PCSK6: variants seen among roughly 807,000 people sequenced by gnomAD.
PCSK6 encodes the protein proprotein convertase subtilisin/kexin type 6.
A neutral mutation model predicts 123.3 loss-of-function variants in PCSK6; 85 were observed. The ratio of observed to expected loss-of-function variants is 0.69; its 90% confidence interval spans 0.58 to 0.83. The LOEUF (loss-of-function observed/expected upper bound fraction) is 0.83. Ranked by LOEUF, PCSK6 falls within the 40% of genes least tolerant of loss-of-function variation. PCSK6 has a pLI of 0.00. For missense variants in PCSK6, 1,191 were observed against 1,282.3 expected (o/e 0.93, Z 1.09); for synonymous variants, 508 against 516.0 (o/e 0.98, Z 0.21).
chr15:101,424,929 C>T (rs910750186), intron 6 of PCSK6, among the ~76,000 whole-genome samples: 8 of 152,114 alleles, frequency 5.3e-5, no homozygotes, highest in Non-Finnish European at 2.9e-5. Context: ...GACAGAGAGA[C>T]GAAAGAGATG....
Position 101,393,261 on chromosome 15 carries a change from G to A in PCSK6, c.1160C>T (p.Ser387Phe). The A allele has an allele frequency of 6.2e-7, 1 of 1,613,752 alleles. No individual in the cohort carries two copies. Among genetic ancestry groups the A allele is most frequent in the East Asian group, 2.2e-5 (1 of 44,852 alleles). ...ACTGCTGTAGGTGGTGGCCAGGGTGGAGGCACACTCTTCCAGGTACCAGGG... is the reference window on the plus strand; with the variant it reads ...ACTGCTGTAGGTGGTGGCCAGGGTGAAGGCACACTCTTCCAGGTACCAGGG... ...YKPWYLEECA[S>F]TLATTYSSGA... The change falls in exon 8 of 22, where the codon TCC becomes TTC. Residue 387 changes from serine (S) to phenylalanine (F), a missense_variant. By Grantham distance (155) the Ser-to-Phe change is radical. Coordinates refer to ENST00000611716, the MANE Select transcript of PCSK6 (RefSeq NM_002570.5).
intron 17 of PCSK6, among the ~76,000 whole-genome samples, chr15:101,324,301 C>T (rs1406919981): frequency 6.6e-6 from 1 of 152,232 alleles, no homozygotes; most frequent in Non-Finnish European, 1.5e-5. Flanking sequence ...TGGAGGTCTG[C>T]AAACCTTCCG....
intron 11 of PCSK6, among the ~76,000 whole-genome samples, chr15:101,378,734 C>T (rs939659333): frequency 1.1e-4 from 16 of 152,220 alleles, no homozygotes; most frequent in African/African-American, 2.4e-4. Flanking sequence ...TCTTATCTTT[C>T]GGGTGGATCC....
At chr15:101,419,348 T>C (rs12903442) in intron 6 of PCSK6, among the ~76,000 whole-genome samples, 10 of 151,990 alleles carry the variant, frequency 6.6e-5, no homozygotes, top group Non-Finnish European at 8.8e-5. Flanking sequence ...TCTAGATATA[T>C]ATCTAATAAG....
rs563272825 is a variant in PCSK6, at chr15:101,305,985, G to T, written c.2813-630C>A. Among the ~76,000 whole-genome samples the T allele has an allele frequency of 6.6e-6, 1 of 152,322 alleles. No individual in the cohort carries two copies. The highest frequency in any genetic ancestry group is 2.4e-5 in the African/African-American group (1 of 41,564). ...GATCTCAGGAGAACACCCAGCCTGG[G>T]CCTGTGGGGCACATGTGCACCTGTC... On this transcript the variant is annotated intron_variant, in intron 21 of 21. Coordinates refer to ENST00000611716, the MANE Select transcript of PCSK6 (RefSeq NM_002570.5). This position sits in a 1 kb window ranked among gnomAD's most constrained non-coding sequence, Gnocchi z 4.8.
chr15:101,326,556 A>G, intron 15 of PCSK6, 77 bp from the exon 16 acceptor site: 6 of 1,353,846 alleles, frequency 4.4e-6, no homozygotes, highest in Non-Finnish European at 5.1e-6. Flanking sequence ...TCCCTGTGTC[A>G]GGATATCGCA....
chr15:101,397,596 T>C (rs2042450931), intron 7 of PCSK6, among the ~76,000 whole-genome samples: 1 of 152,164 alleles, frequency 6.6e-6, no homozygotes, highest in South Asian at 2.1e-4. Context: ...CCACACATTG[T>C]ACGTTGGGCT....
chr15:101,321,063 G>C (rs1378324514), intron 18 of PCSK6, among the ~76,000 whole-genome samples: 1 of 152,140 alleles, frequency 6.6e-6, no homozygotes, highest in Non-Finnish European at 1.5e-5. Context: ...CAGGGAGCTG[G>C]GAACACAGAG....
rs140443071 is a variant in PCSK6, at chr15:101,315,198, G to A, written c.2570-1693C>T. Among the ~76,000 whole-genome samples, 130 of 152,346 alleles carry A rather than the reference G, an allele frequency of 8.5e-4. 1 individual carries two copies. The highest frequency in any genetic ancestry group is 1.6e-3 in the Non-Finnish European group (109 of 68,038). ...AACACATTTATTTGGAGGTGGTGGCGATGGTGGCACACAAATGTAAATTCA... is the reference window on the plus strand; with the variant it reads ...AACACATTTATTTGGAGGTGGTGGCAATGGTGGCACACAAATGTAAATTCA... On this transcript the variant is annotated intron_variant, in intron 19 of 21. Coordinates refer to ENST00000611716, the MANE Select transcript of PCSK6 (RefSeq NM_002570.5).
intron 1 of PCSK6, among the ~76,000 whole-genome samples, chr15:101,479,361 G>A (rs1283625811): frequency 6.6e-6 from 1 of 152,246 alleles, no homozygotes; most frequent in Non-Finnish European, 1.5e-5. Context: ...TGGTAAAAGT[G>A]AAGGGTTCTG....
chr15:101,429,472 T>C (rs2056373687), intron 5 of PCSK6, among the ~76,000 whole-genome samples: 1 of 152,086 alleles, frequency 6.6e-6, no homozygotes, highest in South Asian at 2.1e-4. Context: ...TCTAAGACAC[T>C]AAGACATGAA....
chr15:101,337,018 T>G (rs1198803880), intron 13 of PCSK6: 1 of 152,232 alleles, frequency 6.6e-6, no homozygotes, highest in Non-Finnish European at 1.5e-5. Flanking sequence ...TCTCTTTTTT[T>G]TTTTTTAGAT....
At chr15:101,401,975 C>A (rs1186898058) in intron 6 of PCSK6, among the ~76,000 whole-genome samples, 1 of 151,864 alleles carries the variant, frequency 6.6e-6, no homozygotes, top group African/African-American at 2.4e-5. Flanking sequence ...AATCCTAAGC[C>A]AAAAGAACAA....
chr15:101,489,327 G>A (rs1330365256), intron 1 of PCSK6, 47 bp downstream of exon 1: 2 of 1,097,052 alleles, frequency 1.8e-6, no homozygotes, highest in Admixed American at 5.5e-5. Context: ...CGCGCGCGCC[G>A]GAGGCCGCCG....
At chr15:101,332,455 G>A (rs1459169037) in intron 13 of PCSK6, among the ~76,000 whole-genome samples, 1 of 152,206 alleles carries the variant, frequency 6.6e-6, no homozygotes, top group African/African-American at 2.4e-5. Context: ...CTGGCTGTGA[G>A]TCTTGCCCTA....
intron 13 of PCSK6, among the ~76,000 whole-genome samples, chr15:101,345,516 A>C (rs1363737783): frequency 6.6e-6 from 1 of 152,258 alleles, no homozygotes; most frequent in Non-Finnish European, 1.5e-5. Flanking sequence ...TTAAAAAGTC[A>C]AAAGTGAAAC....
At chr15:101,395,135 CCTA>C in intron 7 of PCSK6, among the ~76,000 whole-genome samples, 1 of 152,214 alleles carries the variant, frequency 6.6e-6, no homozygotes, top group South Asian at 2.1e-4. Context: ...CACTGCCACT[CCTA>C]ACTCCCCACC....
At chr15:101,443,779 C>T in intron 1 of PCSK6, 119 bp from the exon 2 acceptor site, 1 of 715,284 alleles carries the variant, frequency 1.4e-6, no homozygotes. Context: ...AGGAAACACA[C>T]CCTCCATCAC....
In PCSK6 at chr15:101,316,910, G is replaced by GTTTTTTTTTTTTTTTTT. The variant is rs57613156; in HGVS notation, c.2569+1392_2569+1408dup. 5.3e-4 allele frequency among the ~76,000 whole-genome samples: 61 copies of GTTTTTTTTTTTTTTTTT among 114,934 alleles called. 8 individuals are homozygous for GTTTTTTTTTTTTTTTTT. The highest frequency in any genetic ancestry group is 2.3e-3 in the African/African-American group (58 of 25,382). The allele number at this position is 114,934 out of a possible 152,430, so 75.4% of individuals were successfully genotyped here. On this transcript the variant is annotated intron_variant, in intron 19 of 21. Coordinates refer to ENST00000611716, the MANE Select transcript of PCSK6 (RefSeq NM_002570.5). ...ACTGGTTTAGCAGAGACTTAATTCTGTTTTTTTTTTTTTTTTTTTGACAGA... is the reference window on the plus strand; with the variant it reads ...ACTGGTTTAGCAGAGACTTAATTCTGTTTTTTTTTTTTTTTTTTTTTTTTTTTTTTTTTTTTGACAGA...
Sources: gnomAD v4.1 joint callset for allele counts (sites outside exome capture counted in the v4.1 genomes callset) on GRCh38, gnomAD v4.1.1 for gene constraint, Gnocchi (gnomAD v3.1) non-coding constraint, MANE v1.5 for transcripts, NCBI Gene and HGNC (gene_info 2026-07-23, HGNC 2026-07-21) for gene names.